FAM24B: variants seen among roughly 807,000 people sequenced by gnomAD.
The protein encoded by FAM24B is protein FAM24B.
Under a neutral mutation model 2.3 loss-of-function variants are expected in FAM24B, and 3 were observed. That is an observed-to-expected ratio of 1.29 (90% CI 0.59 to 3.32). The LOEUF (loss-of-function observed/expected upper bound fraction) is 3.32, where lower values mean the gene tolerates loss of function less well. Ranked by LOEUF, FAM24B falls within the 30% of genes most tolerant of loss-of-function variation. The pLI is 0.03. For synonymous variants in FAM24B, 36 were observed against 46.3 expected (o/e 0.78, Z 0.90); for missense variants, 98 against 117.2 (o/e 0.84, Z 0.76).
chr10:122,851,686 A>T (rs1847540376), intron 2 of FAM24B, among the ~76,000 whole-genome samples: 1 of 152,230 alleles, frequency 6.6e-6, no homozygotes, highest in Non-Finnish European at 1.5e-5. Context: ...ATATTATTTT[A>T]AATGTCCAGT....
intron 1 of FAM24B, among the ~76,000 whole-genome samples, chr10:122,867,903 C>T (rs2994806): frequency 0.015 from 2,206 of 152,006 alleles, 31 homozygotes; most frequent in East Asian, 0.069. Flanking sequence ...TCCAAAGGAA[C>T]GCAGCTCCTC....
At chr10:122,878,538 A>G (rs1404984609) in intron 1 of FAM24B, among the ~76,000 whole-genome samples, 2 of 145,626 alleles carry the variant, frequency 1.4e-5, no homozygotes, top group Non-Finnish European at 3.1e-5. Flanking sequence ...TCTCAAAAGA[A>G]AAAAAAAAGT....
intron 1 of FAM24B, among the ~76,000 whole-genome samples, chr10:122,866,981 C>G (rs1226495420): frequency 2.0e-5 from 3 of 152,084 alleles, no homozygotes; most frequent in African/African-American, 7.2e-5. Context: ...GAAACAGTTA[C>G]CAAGTTGGAA....
intron 1 of FAM24B, among the ~76,000 whole-genome samples, chr10:122,858,561 A>T (rs1359305956): frequency 6.6e-6 from 1 of 152,074 alleles, no homozygotes; most frequent in East Asian, 1.9e-4. Flanking sequence ...ATAATAAAAA[A>T]AAAAGAGTGT....
intron 1 of FAM24B, among the ~76,000 whole-genome samples, chr10:122,877,538 G>A (rs2133844789): frequency 6.6e-6 from 1 of 152,332 alleles, no homozygotes; most frequent in African/African-American, 2.4e-5. Flanking sequence ...TTATCTGCAG[G>A]AATAATTGGG....
chr10:122,874,398 C>G (rs1318635886), intron 1 of FAM24B, among the ~76,000 whole-genome samples: 1 of 152,176 alleles, frequency 6.6e-6, no homozygotes, highest in Non-Finnish European at 1.5e-5. Flanking sequence ...GGATCATTTT[C>G]CTTCCCTCTG....
chr10:122,858,673 A>G (rs920666366), intron 1 of FAM24B, among the ~76,000 whole-genome samples: 1 of 152,136 alleles, frequency 6.6e-6, no homozygotes, highest in Non-Finnish European at 1.5e-5. Context: ...CTGAAGCAGG[A>G]AAGTTCTAGG....
In FAM24B at chr10:122,849,213, G is replaced by C; in HGVS notation, c.*34C>G. ...ACAAAACAATCTACTAAGAAGTATTGCTCATGAAGATTTTTGTGCCCACCT... is the reference window on the plus strand; with the variant it reads ...ACAAAACAATCTACTAAGAAGTATTCCTCATGAAGATTTTTGTGCCCACCT... On this transcript the variant is annotated 3_prime_UTR_variant, in exon 4 of 4. Coordinates refer to ENST00000368898, the MANE Select transcript of FAM24B (RefSeq NM_152644.3). The C allele has an allele frequency of 6.8e-7, 1 of 1,464,508 alleles. No individual in the cohort carries two copies. Among genetic ancestry groups the C allele is most frequent in the South Asian group, 1.4e-5 (1 of 69,854 alleles). 90.7% of individuals were successfully genotyped at this position (1,464,508 alleles called of 1,614,324 possible). A position where few individuals can be genotyped will look rare whatever the true frequency, so the allele number is the denominator to read the frequency against.
chr10:122,874,262 T>C (rs2133842485), intron 1 of FAM24B, among the ~76,000 whole-genome samples: 1 of 152,364 alleles, frequency 6.6e-6, no homozygotes, highest in Middle Eastern at 3.4e-3. Context: ...TTTGCAGTTC[T>C]ATCAATTTTT....
chr10:122,856,009 C>T (rs1182859311), intron 1 of FAM24B, among the ~76,000 whole-genome samples: 1 of 152,254 alleles, frequency 6.6e-6, no homozygotes, highest in Non-Finnish European at 1.5e-5. Context: ...TACAAGCTCA[C>T]AGCCCCAAAA....
At chr10:122,862,203 T>C (rs1446042751) in intron 1 of FAM24B, among the ~76,000 whole-genome samples, 4 of 152,230 alleles carry the variant, frequency 2.6e-5, no homozygotes, top group Non-Finnish European at 5.9e-5. Flanking sequence ...TCCTTGGCCA[T>C]ATTATTGAAC....
chr10:122,872,501 G>A (rs1037418252), intron 1 of FAM24B, among the ~76,000 whole-genome samples: 11 of 152,098 alleles, frequency 7.2e-5, no homozygotes, highest in African/African-American at 2.7e-4. Flanking sequence ...ATTTATTGTG[G>A]CATTATTCAC....
At chr10:122,851,798 A>T (rs1847542800) in intron 2 of FAM24B, among the ~76,000 whole-genome samples, 1 of 152,368 alleles carries the variant, frequency 6.6e-6, no homozygotes, top group Middle Eastern at 3.4e-3. Flanking sequence ...CTACTAGAAA[A>T]TACTTTTAAA....
At chr10:122,865,824 C>T (rs1231479900) in intron 1 of FAM24B, among the ~76,000 whole-genome samples, 1 of 149,594 alleles carries the variant, frequency 6.7e-6, no homozygotes, top group Non-Finnish European at 1.5e-5. Context: ...ATCTATTTCT[C>T]CTTTCTAAGT....
At chr10:122,857,950 C>T (rs1245973862) in intron 1 of FAM24B, among the ~76,000 whole-genome samples, 2 of 152,226 alleles carry the variant, frequency 1.3e-5, no homozygotes, top group African/African-American at 2.4e-5. Flanking sequence ...AAGGCTGGCT[C>T]TGAATGCTCT....
intron 1 of FAM24B, among the ~76,000 whole-genome samples, chr10:122,867,852 C>T (rs1034933879): frequency 1.3e-5 from 2 of 151,990 alleles, no homozygotes; most frequent in Admixed American, 6.6e-5. Context: ...AAAACAGAGC[C>T]GAAAAACCGG....
intron 1 of FAM24B, among the ~76,000 whole-genome samples, chr10:122,866,619 T>C (rs533972629): frequency 2.1e-4 from 32 of 152,258 alleles, no homozygotes; most frequent in Non-Finnish European, 4.3e-4. Flanking sequence ...TTTATTATTA[T>C]ATATGTTATG....
At chr10:122,871,127 T>A (rs1351250418) in intron 1 of FAM24B, among the ~76,000 whole-genome samples, 1 of 151,972 alleles carries the variant, frequency 6.6e-6, no homozygotes, top group Non-Finnish European at 1.5e-5. Flanking sequence ...TCACAAGCAT[T>A]CTTATACACC....
intron 1 of FAM24B, among the ~76,000 whole-genome samples, chr10:122,876,208 C>T (rs922425119): frequency 6.6e-6 from 1 of 152,116 alleles, no homozygotes; most frequent in Non-Finnish European, 1.5e-5. Flanking sequence ...CTCACTCTTC[C>T]TTATGACCCT....
Sources: gnomAD v4.1 joint callset for allele counts (sites outside exome capture counted in the v4.1 genomes callset) on GRCh38, gnomAD v4.1.1 for gene constraint, MANE v1.5 for transcripts, NCBI Gene and HGNC (gene_info 2026-07-23, HGNC 2026-07-21) for gene names.